Variants in VAV1 observed in about 807,000 individuals in gnomAD.
VAV1 encodes vav guanine nucleotide exchange factor 1.
In VAV1, 33 loss-of-function variants were observed where a neutral mutation model predicts 128.1. The observed-to-expected ratio is 0.26, with a 90% CI of 0.20 to 0.34. VAV1 has a LOEUF of 0.34. Among genes scored for constraint, VAV1 ranks in the 10% least tolerant of loss-of-function variants. The pLI is 1.00. For missense variants in VAV1, 715 were observed against 1,093.7 expected (o/e 0.65, Z 4.88); for synonymous variants, 394 against 409.8 (o/e 0.96, Z 0.47).
At chr19:6,806,462 T>C (rs1001266854) in intron 1 of VAV1, among the ~76,000 whole-genome samples, 1 of 152,182 alleles carries the variant, frequency 6.6e-6, no homozygotes, top group Non-Finnish European at 1.5e-5. Flanking sequence ...GGGTTTTAAG[T>C]ATGGCTTCAT....
Position 6,828,359 on chromosome 19 carries a change from C to T in VAV1, c.1024-60C>T. ...TGGTGAGCTAGCATTGTTTGGAAGG[C>T]CCTCCCCGCAGGGAGAAGGGGAGGG... On this transcript the variant is annotated intron_variant, in intron 10 of 26. Coordinates refer to ENST00000602142, the MANE Select transcript of VAV1 (RefSeq NM_005428.4). The surrounding 1 kb of genome is among the most constrained non-coding windows in gnomAD (Gnocchi z 4.5). The T allele has an allele frequency of 6.2e-7, 1 of 1,600,662 alleles. No homozygotes were observed. The highest frequency in any genetic ancestry group is 8.6e-7 in the Non-Finnish European group (1 of 1,169,368).
Position 6,848,079 on chromosome 19 carries a change from G to A in VAV1, c.2094G>A (p.Arg698=), listed in dbSNP as rs755742776. The change falls in exon 23 of 27, where the codon AGG becomes AGA. Residue 698 remains arginine, a synonymous_variant. Transcript: ENST00000602142. Reference sequence around the variant, plus strand: ...ACGGGACTTTCTTGGTGCGGCAGAGGGTGAAGGATGCAGCAGAATTTGCCA... The same window carrying A: ...ACGGGACTTTCTTGGTGCGGCAGAGAGTGAAGGATGCAGCAGAATTTGCCA... ...RSDGTFLVRQ[R]VKDAAEFAIS... is the part of the protein sequence containing the mutation. The A allele has an allele frequency of 3.2e-6, 5 of 1,553,096 alleles. No homozygotes were observed. Among genetic ancestry groups the A allele is most frequent in the East Asian group, 2.6e-5 (1 of 38,916 alleles).
chr19:6,844,744 A>G (rs1972475087), intron 22 of VAV1, among the ~76,000 whole-genome samples: 1 of 152,034 alleles, frequency 6.6e-6, no homozygotes, highest in Non-Finnish European at 1.5e-5. Flanking sequence ...GATGTGGTCA[A>G]TGGGGTGGGG....
chr19:6,819,301 A>G (rs1971731526), intron 1 of VAV1, among the ~76,000 whole-genome samples: 1 of 152,210 alleles, frequency 6.6e-6, no homozygotes, highest in Non-Finnish European at 1.5e-5. Context: ...ATCCAGTCCT[A>G]AAAACTAGAA....
chr19:6,776,349 C>A (rs2144684950), intron 1 of VAV1, among the ~76,000 whole-genome samples: 1 of 124,348 alleles, frequency 8.0e-6, no homozygotes, highest in Middle Eastern at 4.1e-3. Context: ...TCCATCCACT[C>A]ATCTATCCAT....
chr19:6,788,601 G>A (rs1771973777), intron 1 of VAV1, among the ~76,000 whole-genome samples: 1 of 152,032 alleles, frequency 6.6e-6, no homozygotes, highest in African/African-American at 2.4e-5. Flanking sequence ...GGTCTTGAAT[G>A]ACCTCACGTG....
chr19:6,794,101 A>T (rs1211977782), intron 1 of VAV1, among the ~76,000 whole-genome samples: 8 of 151,794 alleles, frequency 5.3e-5, no homozygotes. Context: ...CCAACGGTAA[A>T]TGATTTATTT....
In VAV1 at chr19:6,828,396, G is replaced by A; in HGVS notation, c.1024-23G>A. ...GGAGAAGGGGAGGGGCCCAGGTGAC[G>A]TCTGACGTCTTGGTTCTCTCAGGAG... On this transcript the variant is annotated intron_variant, in intron 10 of 26. Transcript: ENST00000602142. The surrounding 1 kb of genome is among the most constrained non-coding windows in gnomAD (Gnocchi z 4.5). 6.2e-7 allele frequency: 1 copy of A among 1,613,964 alleles called. No individual in the cohort carries two copies. Among genetic ancestry groups the A allele is most frequent in the Middle Eastern group, 1.7e-4 (1 of 5,924 alleles).
In VAV1 at chr19:6,772,851, G is replaced by A. The variant is rs373948131; in HGVS notation, c.44G>A (p.Arg15Gln). 15 of 1,614,044 alleles carry A rather than the reference G, an allele frequency of 9.3e-6. No individual in the cohort carries two copies. Among genetic ancestry groups the A allele is most frequent in the Non-Finnish European group, 1.1e-5 (13 of 1,179,960 alleles). Residue 15 changes from arginine to glutamine, a missense_variant, in exon 1 of 27, where the codon CGG becomes CAG. Arg to Gln is a conservative substitution (Grantham distance 43). Around this residue, in one of 3 missense-constraint regions of VAV1, gnomAD observed 302 missense variants for 477.8 expected, o/e 0.63. Transcript: ENST00000602142. This position sits in a 1 kb window ranked among gnomAD's most constrained non-coding sequence, Gnocchi z 4.8. ...TGCACCCACTGGCTCATCCAGTGCCGGGTGCTGCCGCCCAGCCACCGCGTG... is the reference window on the plus strand; with the variant it reads ...TGCACCCACTGGCTCATCCAGTGCCAGGTGCTGCCGCCCAGCCACCGCGTG... ...RQCTHWLIQC[R>Q]VLPPSHRVTW...
intron 1 of VAV1, among the ~76,000 whole-genome samples, chr19:6,780,138 A>ATAATAATAC: frequency 6.9e-6 from 1 of 144,938 alleles, no homozygotes; most frequent in Non-Finnish European, 1.5e-5. Context: ...AATAATAATA[A>ATAATAATAC]TAATAATAAT....
At chr19:6,790,636 G>C (rs572319669) in intron 1 of VAV1, among the ~76,000 whole-genome samples, 2 of 152,294 alleles carry the variant, frequency 1.3e-5, no homozygotes, top group African/African-American at 4.8e-5. Flanking sequence ...GGTGGTGTTA[G>C]CAAGTTTTAT....
intron 23 of VAV1, among the ~76,000 whole-genome samples, chr19:6,848,983 G>A (rs1005239648): frequency 3.3e-5 from 5 of 151,542 alleles, no homozygotes; most frequent in African/African-American, 7.3e-5. Flanking sequence ...TTGTAGAGAC[G>A]AGGGTCTCTC....
In VAV1 at chr19:6,820,359, T is replaced by G. The variant is rs553781400; in HGVS notation, c.205-343T>G. ...CAGTGATCCACTCATCTCCGCCTCC[T>G]GAGTAGTTCAAAATGTTTTTCAGGT... On this transcript the variant is annotated intron_variant, in intron 1 of 26. Transcript: ENST00000602142. This position sits in a 1 kb window ranked among gnomAD's most constrained non-coding sequence, Gnocchi z 4.4. 2.1e-4 allele frequency among the ~76,000 whole-genome samples: 32 copies of G among 152,290 alleles called. No homozygotes were observed. Among genetic ancestry groups the G allele is most frequent in the Non-Finnish European group, 2.4e-4 (16 of 68,020 alleles).
rs1971920569 is a variant in VAV1 at position 6,826,439 on chromosome 19, A to C, written c.828-173A>C. On this transcript the variant is annotated intron_variant, in intron 8 of 26. Transcript: ENST00000602142. The surrounding 1 kb of genome is among the most constrained non-coding windows in gnomAD (Gnocchi z 4.1). ...AATTACTGTAGCATTAAATGAGATA[A>C]TGCTACAATAGCCTCACATGGGAGA... Among the ~76,000 whole-genome samples, 1 of 152,196 alleles carries C rather than the reference A, an allele frequency of 6.6e-6. No individual in the cohort carries two copies. The highest frequency in any genetic ancestry group is 1.5e-5 in the Non-Finnish European group (1 of 68,018).
At chr19:6,808,916 G>A (rs1240718654) in intron 1 of VAV1, among the ~76,000 whole-genome samples, 1 of 152,074 alleles carries the variant, frequency 6.6e-6, no homozygotes, top group East Asian at 1.9e-4. Flanking sequence ...GCTTGTCTCT[G>A]CTCCACACGG....
chr19:6,832,664 C>T (rs1972109754), intron 15 of VAV1, among the ~76,000 whole-genome samples: 1 of 149,122 alleles, frequency 6.7e-6, no homozygotes, highest in Admixed American at 6.7e-5. Flanking sequence ...TCCTCCTCCT[C>T]CTCCTCTTCC....
Position 6,857,091 on chromosome 19 carries a change from A to T in VAV1, c.2522A>T (p.Tyr841Phe), listed in dbSNP as rs759607376. ...CCTGCCAACTACGTGGAGGAAGATT[A>T]TTCTGAATACTGCTGAGCCCTGGTG... ...WFPANYVEED[Y>F]SEYC The change falls in exon 27 of 27, where the codon TAT becomes TTT. Residue 841 changes from tyrosine to phenylalanine, a missense_variant. Physicochemically the swap from Tyr to Phe is conservative, Grantham distance 22. Around this residue, in one of 3 missense-constraint regions of VAV1, gnomAD observed 407 missense variants for 580.6 expected, o/e 0.70. Transcript: ENST00000602142. 6.2e-7 allele frequency: 1 copy of T among 1,613,950 alleles called. No individual in the cohort carries two copies. Among genetic ancestry groups the T allele is most frequent in the African/African-American group, 1.3e-5 (1 of 74,900 alleles).
chr19:6,835,902 C>A (rs1251011174), intron 19 of VAV1: 2 of 152,122 alleles, frequency 1.3e-5, no homozygotes, highest in East Asian at 3.8e-4. Context: ...GACAGAGTCT[C>A]ACTCCATCGC....
chr19:6,793,202 C>A lies in VAV1; in HGVS notation c.204+20191C>A, dbSNP rs538635385. ...ACAAAAAATTAGCCAGGCATGGTGG[C>A]GGGTGCCTGTAGTCCCAGCTACTCC... On this transcript the variant is annotated intron_variant, in intron 1 of 26. Transcript: ENST00000602142. 2.6e-5 allele frequency among the ~76,000 whole-genome samples: 4 copies of A among 151,910 alleles called. 1 individual carries two copies. Among genetic ancestry groups the A allele is most frequent in the Non-Finnish European group, 5.9e-5 (4 of 67,976 alleles).
Sources: gnomAD v4.1 joint callset for allele counts (sites outside exome capture counted in the v4.1 genomes callset) on GRCh38, gnomAD v4.1.1 for gene constraint, gnomAD v4.1.1 regional missense constraint, Gnocchi (gnomAD v3.1) non-coding constraint, MANE v1.5 for transcripts, NCBI Gene and HGNC (gene_info 2026-07-23, HGNC 2026-07-21) for gene names.